The following TRHDE variants were observed in gnomAD, a reference collection of about 807,000 sequenced individuals.
TRHDE encodes the protein thyrotropin-releasing hormone-degrading ectoenzyme.
TRHDE carries 72 observed loss-of-function variants against 125.7 expected under a neutral mutation model. That is an observed-to-expected ratio of 0.57 (90% confidence interval 0.47 to 0.70). The LOEUF is 0.70. Among genes scored for constraint, TRHDE ranks in the 30% least tolerant of loss-of-function variants. The pLI is 0.00. For missense variants in TRHDE, 1,110 were observed against 1,327.1 expected, an observed-to-expected ratio of 0.84 and a Z score of 2.54; for synonymous variants, 509 against 509.1, an observed-to-expected ratio of 1.00 and a Z score of 0.00.
At chr12:72,224,134 CTATCTATTTATCTATGTATGTATGTATG>C (rs369204959) in intron 2 of TRHDE, among the ~76,000 whole-genome samples, 8,943 of 79,286 alleles carry the variant, frequency 0.11, 395 homozygotes, top group South Asian at 0.11. Flanking sequence ...ATCTATCTAT[CTATCTATTTATCTATGTATGTATGTATG>C]TATGTATCTA....
chr12:72,105,040 T>G (rs767083541), intron 1 of TRHDE, among the ~76,000 whole-genome samples: 14 of 152,054 alleles, frequency 9.2e-5, no homozygotes, highest in Non-Finnish European at 1.6e-4. Context: ...CTCCATCAAG[T>G]GTGAAGTACT....
intron 3 of TRHDE, among the ~76,000 whole-genome samples, chr12:72,384,740 C>A (rs749665708): frequency 2.0e-5 from 3 of 151,894 alleles, no homozygotes; most frequent in Non-Finnish European, 4.4e-5. Context: ...ACAAATAAGA[C>A]CCCAGCTTAA....
intron 12 of TRHDE, among the ~76,000 whole-genome samples, chr12:72,579,525 G>A (rs1394335618): frequency 6.6e-6 from 1 of 151,840 alleles, no homozygotes; most frequent in East Asian, 1.9e-4. Context: ...ATCCTTTTTT[G>A]TAGCATACAC....
At chr12:72,407,656 G>A (rs2135810280) in intron 3 of TRHDE, among the ~76,000 whole-genome samples, 1 of 152,310 alleles carries the variant, frequency 6.6e-6, no homozygotes, top group Non-Finnish European at 1.5e-5. Flanking sequence ...ATAAAAACTG[G>A]AATCAGAACA....
At chr12:72,283,727 A>G (rs1315906095) in intron 1 of TRHDE, among the ~76,000 whole-genome samples, 1 of 152,110 alleles carries the variant, frequency 6.6e-6, no homozygotes, top group Non-Finnish European at 1.5e-5. Context: ...AGGTATTTAC[A>G]TCTTTTACAC....
chr12:72,423,788 T>G (rs1020859408), intron 3 of TRHDE, among the ~76,000 whole-genome samples: 1 of 151,478 alleles, frequency 6.6e-6, no homozygotes, highest in African/African-American at 2.4e-5. Context: ...ATCGGAAGAG[T>G]CTTTAAAAGT....
At chr12:72,280,631 T>C (rs1565682579) in intron 1 of TRHDE, among the ~76,000 whole-genome samples, 2 of 151,954 alleles carry the variant, frequency 1.3e-5, no homozygotes. Context: ...TACTGGGAGA[T>C]GGAGAGGGTT....
chr12:72,272,188 C>T (rs761827666), upstream of TRHDE: 45 of 450,014 alleles, frequency 1.0e-4, no homozygotes, highest in Middle Eastern at 3.5e-4. The surrounding 1 kb of genome is among the most constrained non-coding windows in gnomAD (Gnocchi z 6.7). Context: ...AAAGCGAAAG[C>T]CCTAACTTCC....
At chr12:72,603,643 A>T (rs1872300564) in intron 12 of TRHDE, among the ~76,000 whole-genome samples, 1 of 152,034 alleles carries the variant, frequency 6.6e-6, no homozygotes, top group African/African-American at 2.4e-5. Context: ...GAGAACGGCG[A>T]GAAACGGGGA....
chr12:72,133,324 G>C (rs531623449), intron 2 of TRHDE, among the ~76,000 whole-genome samples: 1 of 152,316 alleles, frequency 6.6e-6, no homozygotes, highest in African/African-American at 2.4e-5. Context: ...CTGTATTTCA[G>C]AGGAGAAATC....
intron 2 of TRHDE, chr12:72,186,633 T>TC (rs1877220528): frequency 6.4e-6 from 1 of 155,938 alleles, no homozygotes; most frequent in Non-Finnish European, 1.4e-5. Flanking sequence ...GGTAAGGATT[T>TC]TTTTTTTTTT....
chr12:72,305,488 T>G lies in TRHDE; in HGVS notation c.1188+18534T>G, dbSNP rs145837758. Among the ~76,000 whole-genome samples, 177 of 152,314 alleles carry G rather than the reference T, an allele frequency of 1.2e-3. No individual in the cohort carries two copies. The Middle Eastern group carries it at 0.014, about 12-fold the overall frequency. On this transcript the variant is annotated intron_variant, in intron 2 of 18. Coordinates refer to ENST00000261180, the MANE Select transcript of TRHDE (RefSeq NM_013381.3). ...AGTCAAATAATTCATTACCTAATGG[T>G]AACTATGAATCCAGGAGGATTTTGG...
intron 2 of TRHDE, among the ~76,000 whole-genome samples, chr12:72,117,663 T>C (rs1875479121): frequency 1.3e-5 from 2 of 152,254 alleles, no homozygotes; most frequent in South Asian, 4.1e-4. Context: ...TAGACTGCTT[T>C]AGATAATATG....
intron 2 of TRHDE, among the ~76,000 whole-genome samples, chr12:72,166,196 A>T (rs971696614): frequency 2.6e-5 from 4 of 152,188 alleles, no homozygotes; most frequent in Non-Finnish European, 5.9e-5. Context: ...ACATAGAAAA[A>T]GTATAGTAAA....
At chr12:72,161,204 G>C (rs1470775241) in intron 2 of TRHDE, among the ~76,000 whole-genome samples, 1 of 152,160 alleles carries the variant, frequency 6.6e-6, no homozygotes, top group Non-Finnish European at 1.5e-5. Flanking sequence ...GGAGGCCAAG[G>C]CTGGCAGATC....
At chr12:72,152,379 A>G (rs942287472) in intron 2 of TRHDE, among the ~76,000 whole-genome samples, 4 of 151,760 alleles carry the variant, frequency 2.6e-5, no homozygotes, top group African/African-American at 9.7e-5. Context: ...CTAATTGAAT[A>G]CCCTTTATTT....
intron 18 of TRHDE, 97 bp from the exon 19 acceptor site, chr12:72,662,952 ATTG>A: frequency 1.6e-6 from 2 of 1,270,876 alleles, no homozygotes; most frequent in Non-Finnish European, 2.2e-6. Context: ...TTTCAAATAT[ATTG>A]TTTTTTAATG....
intron 6 of TRHDE, among the ~76,000 whole-genome samples, chr12:72,505,098 C>T (rs1878305912): frequency 6.6e-6 from 1 of 152,086 alleles, no homozygotes; most frequent in Non-Finnish European, 1.5e-5. Context: ...AATAGACCAG[C>T]TACTAATTTG....
At chr12:72,510,201 CT>C in intron 6 of TRHDE, among the ~76,000 whole-genome samples, 1 of 152,154 alleles carries the variant, frequency 6.6e-6, no homozygotes, top group Non-Finnish European at 1.5e-5. Flanking sequence ...TTAGACTTTG[CT>C]TTCCCTACTC....
Sources: gnomAD v4.1 joint callset for allele counts (sites outside exome capture counted in the v4.1 genomes callset) on GRCh38, gnomAD v4.1.1 for gene constraint, Gnocchi (gnomAD v3.1) non-coding constraint, MANE v1.5 for transcripts, NCBI Gene and HGNC (gene_info 2026-07-23, HGNC 2026-07-21) for gene names.